The following NXPH1 variants were observed in gnomAD, a reference collection of about 807,000 sequenced individuals.
The protein encoded by NXPH1 is neurexophilin-1.
In NXPH1, 5 loss-of-function variants were observed where a neutral mutation model predicts 23.7. The observed-to-expected ratio is 0.21, with a 90% CI of 0.11 to 0.44. The LOEUF (loss-of-function observed/expected upper bound fraction) is 0.44, where lower values mean the gene tolerates loss of function less well. Ranked by LOEUF, NXPH1 falls within the 20% of genes least tolerant of loss-of-function variation. The pLI, the probability that NXPH1 is intolerant of heterozygous loss-of-function variation, is 0.99. For missense variants in NXPH1, 324 were observed against 321.6 expected (o/e 1.01, Z -0.06); for synonymous variants, 144 against 122.2 (o/e 1.18, Z -1.18).
intron 2 of NXPH1, among the ~76,000 whole-genome samples, chr7:8,530,077 C>T (rs1817926188): frequency 6.6e-6 from 1 of 152,096 alleles, no homozygotes; most frequent in Non-Finnish European, 1.5e-5. Context: ...ATCAGAGTCA[C>T]CCTACAACTA....
intron 2 of NXPH1, among the ~76,000 whole-genome samples, chr7:8,730,969 C>A (rs913468176): frequency 4.7e-5 from 7 of 148,164 alleles, no homozygotes; most frequent in Admixed American, 1.4e-4. Flanking sequence ...CCATCACTTT[C>A]AGGTACACCA....
At chr7:8,514,675 G>A (rs929052935) in intron 2 of NXPH1, among the ~76,000 whole-genome samples, 3 of 152,130 alleles carry the variant, frequency 2.0e-5, no homozygotes, top group African/African-American at 4.8e-5. Context: ...CTCTTAGCTT[G>A]TGAGATAATG....
At chr7:8,490,138 G>A (rs769974298) in intron 2 of NXPH1, among the ~76,000 whole-genome samples, 10 of 152,006 alleles carry the variant, frequency 6.6e-5, no homozygotes, top group Non-Finnish European at 1.5e-4. Flanking sequence ...TGCATTCAAA[G>A]TCCACAGTTT....
intron 2 of NXPH1, among the ~76,000 whole-genome samples, chr7:8,561,215 T>C (rs1818438607): frequency 6.6e-6 from 1 of 151,406 alleles, no homozygotes; most frequent in East Asian, 2.0e-4. Flanking sequence ...AAGAGAAAAA[T>C]GATTCTAGCA....
intron 2 of NXPH1, among the ~76,000 whole-genome samples, chr7:8,623,618 T>G (rs529182828): frequency 1.9e-3 from 219 of 114,004 alleles, no homozygotes; most frequent in Non-Finnish European, 3.3e-3. Context: ...TTTTAGGTAA[T>G]ATTAATGAAC....
At chr7:8,655,382 CTG>C (rs1820557736) in intron 2 of NXPH1, among the ~76,000 whole-genome samples, 1 of 130,402 alleles carries the variant, frequency 7.7e-6, no homozygotes, top group South Asian at 3.0e-4. Context: ...GAGTCTGTCT[CTG>C]TCTTTGTCTT....
At chr7:8,699,151 T>C (rs1203489140) in intron 2 of NXPH1, among the ~76,000 whole-genome samples, 1 of 152,120 alleles carries the variant, frequency 6.6e-6, no homozygotes, top group East Asian at 1.9e-4. Context: ...TCAGATCCAG[T>C]TGTTGAGATA....
At chr7:8,726,939 T>C (rs1487677240) in intron 2 of NXPH1, among the ~76,000 whole-genome samples, 1 of 150,680 alleles carries the variant, frequency 6.6e-6, no homozygotes, top group Non-Finnish European at 1.5e-5. Context: ...TGAACTAGTT[T>C]ACAGTCCCAC....
intron 2 of NXPH1, among the ~76,000 whole-genome samples, chr7:8,703,231 T>G (rs1320937408): frequency 1.3e-5 from 2 of 152,068 alleles, no homozygotes; most frequent in Non-Finnish European, 2.9e-5. Flanking sequence ...TCCTGTGAAC[T>G]TCTAGATTCT....
intron 2 of NXPH1, among the ~76,000 whole-genome samples, chr7:8,581,424 C>T (rs1450419062): frequency 6.6e-6 from 1 of 152,108 alleles, no homozygotes; most frequent in Non-Finnish European, 1.5e-5. Context: ...TCTTACATGG[C>T]TGGAGCAGGA....
chr7:8,544,103 A>G (rs1818160139), intron 2 of NXPH1, among the ~76,000 whole-genome samples: 1 of 151,602 alleles, frequency 6.6e-6, no homozygotes, highest in Admixed American at 6.6e-5. Flanking sequence ...TTACCAAGAA[A>G]TTTGCCCGGT....
At chr7:8,717,808 G>A (rs148009891) in intron 2 of NXPH1, among the ~76,000 whole-genome samples, 319 of 151,852 alleles carry the variant, frequency 2.1e-3, no homozygotes, top group African/African-American at 7.2e-3. Flanking sequence ...AAGTGCATTT[G>A]AGAATAAAGG....
At chr7:8,651,900 A>T (rs1048025779) in intron 2 of NXPH1, among the ~76,000 whole-genome samples, 1 of 152,166 alleles carries the variant, frequency 6.6e-6, no homozygotes, top group African/African-American at 2.4e-5. Context: ...ATTTTCGAGA[A>T]CAAGTATAAT....
intron 2 of NXPH1, among the ~76,000 whole-genome samples, chr7:8,738,660 G>A (rs1181216262): frequency 6.6e-6 from 1 of 152,204 alleles, no homozygotes; most frequent in Non-Finnish European, 1.5e-5. Flanking sequence ...TATGCTGGGA[G>A]ATCTGCTGCT....
chr7:8,713,774 G>T (rs1779833517), intron 2 of NXPH1, among the ~76,000 whole-genome samples: 2 of 152,174 alleles, frequency 1.3e-5, no homozygotes, highest in South Asian at 4.1e-4. Context: ...GGATTACCAG[G>T]CAGAGATTCG....
In NXPH1 at chr7:8,745,818, T is replaced by C. The variant is rs185662103; in HGVS notation, c.55-5190T>C. Reference sequence around the variant, plus strand: ...TCTTGACCTCTTTATCCTCCTGCCTTGGCCTCCCAAAGTGCTAGGATTTCA... The same window carrying C: ...TCTTGACCTCTTTATCCTCCTGCCTCGGCCTCCCAAAGTGCTAGGATTTCA... On this transcript the variant is annotated intron_variant, in intron 2 of 2. Transcript: ENST00000405863. 1.7e-4 allele frequency among the ~76,000 whole-genome samples: 26 copies of C among 151,356 alleles called. No homozygotes were observed. The East Asian group carries it at 4.9e-3, about 29-fold the overall frequency.
intron 2 of NXPH1, among the ~76,000 whole-genome samples, chr7:8,704,370 T>C (rs1011082296): frequency 6.6e-6 from 1 of 152,046 alleles, no homozygotes; most frequent in Non-Finnish European, 1.5e-5. Context: ...ATTCTCTCCA[T>C]GCCATCACCA....
intron 2 of NXPH1, among the ~76,000 whole-genome samples, chr7:8,468,620 C>T (rs1363354725): frequency 6.6e-6 from 1 of 151,990 alleles, no homozygotes; most frequent in Non-Finnish European, 1.5e-5. Context: ...CTTTTCTGTA[C>T]CTTAGGATGT....
rs1457360555 is a variant in NXPH1, at chr7:8,490,279, G to T, written c.54+54512G>T. On this transcript the variant is annotated intron_variant, in intron 2 of 2. Coordinates refer to ENST00000405863, the MANE Select transcript of NXPH1 (RefSeq NM_152745.3). ...TTAAAAAACACAGGAGAGATTAAAAGAATGCATGAATGGTAATCTAATGAG... is the reference window on the plus strand; with the variant it reads ...TTAAAAAACACAGGAGAGATTAAAATAATGCATGAATGGTAATCTAATGAG... 3.3e-5 allele frequency among the ~76,000 whole-genome samples: 5 copies of T among 152,154 alleles called. No individual in the cohort carries two copies. In the East Asian group the frequency reaches 9.7e-4, roughly 29 times the overall value.
Sources: allele counts gnomAD v4.1 joint callset (sites outside exome capture counted in the v4.1 genomes callset), GRCh38; gene constraint gnomAD v4.1.1; transcripts MANE v1.5; gene names NCBI Gene and HGNC (gene_info 2026-07-23, HGNC 2026-07-21).